TRMT11: variants seen among roughly 807,000 people sequenced by gnomAD.
TRMT11 encodes the protein tRNA (guanine(10)-N(2))-methyltransferase TRMT11.
Under a neutral mutation model 62.8 loss-of-function variants are expected in TRMT11, and 53 were observed. The observed-to-expected ratio is 0.84, with a 90% CI of 0.68 to 1.06. TRMT11 has a LOEUF of 1.06. Among genes scored for constraint, TRMT11 ranks in the 50% least tolerant of loss-of-function variants. The probability of loss-of-function intolerance (pLI) is 0.00; values close to 1 mark genes in which losing one functional copy is unlikely to be tolerated. For synonymous variants in TRMT11, 188 were observed against 190.3 expected, an observed-to-expected ratio of 0.99 and a Z score of 0.10; for missense variants, 556 against 553.4, an observed-to-expected ratio of 1.00 and a Z score of -0.05.
intron 17 of TRMT11, among the ~76,000 whole-genome samples, chr6:126,094,619 C>T (rs900095679): frequency 1.3e-5 from 2 of 152,108 alleles, no homozygotes; most frequent in African/African-American, 4.8e-5. Context: ...TCCTGGTTGG[C>T]GGGCATAGAG....
At position 126,115,560 on chromosome 6, in the gene TRMT11, G is replaced by GA. The variant is rs1777577642; in HGVS notation, c.*1710+71dup. Among the ~76,000 whole-genome samples the GA allele has an allele frequency of 3.3e-5, 5 of 152,172 alleles. No individual in the cohort carries two copies. The South Asian group carries it at 1.0e-3, about 32-fold the overall frequency. On this transcript the variant is annotated intron_variant and NMD_transcript_variant, in intron 20 of 22. Transcript: ENST00000648977. Reference sequence around the variant, plus strand: ...GTCCTTAGTATCCCTGCCCAAGTCTGAAAATATTTATATTGCTATTTAATC... The same window carrying GA: ...GTCCTTAGTATCCCTGCCCAAGTCTGAAAAATATTTATATTGCTATTTAATC...
intron 7 of TRMT11, 139 bp from the exon 8 acceptor site, chr6:126,008,253 C>A: frequency 1.3e-6 from 1 of 758,632 alleles, no homozygotes; most frequent in South Asian, 1.6e-5. Context: ...AGTCCTGAGG[C>A]TTACTAAATA....
At position 126,136,663 on chromosome 6, in the gene TRMT11, C is replaced by T. The variant is rs368281426; in HGVS notation, c.*1823+20808C>T. Among the ~76,000 whole-genome samples the T allele has an allele frequency of 5.3e-5, 8 of 151,788 alleles. No individual in the cohort carries two copies. The East Asian group carries it at 5.8e-4, about 11-fold the overall frequency. ...GAATTCACATGGAATTACAAAAGAT[C>T]TGGCACAGCTAAGGCAATCCTGAGC... On this transcript the variant is annotated intron_variant and NMD_transcript_variant, in intron 21 of 22. Transcript: ENST00000648977.
intron 17 of TRMT11, among the ~76,000 whole-genome samples, chr6:126,066,506 A>T (rs1287864799): frequency 6.6e-6 from 1 of 152,028 alleles, no homozygotes; most frequent in Non-Finnish European, 1.5e-5. Flanking sequence ...GGGAGCTCTA[A>T]CCTGTTTCTC....
chr6:126,115,235 A>G (rs556301138), intron 19 of TRMT11, among the ~76,000 whole-genome samples: 4 of 152,126 alleles, frequency 2.6e-5, no homozygotes, highest in South Asian at 4.2e-4. Flanking sequence ...TTTCCTTTCC[A>G]CAAATGCTAG....
Position 126,011,331 on chromosome 6 carries a change from A to C in TRMT11, c.839A>C (p.Glu280Ala). The C allele has an allele frequency of 1.2e-6, 2 of 1,613,472 alleles. No homozygotes were observed. The highest frequency in any genetic ancestry group is 1.3e-5 in the African/African-American group (1 of 75,032). ...GCCAATCTTCGTCAATATGGTTTAG[A>C]GAAGTATTACCTTGATGTCCTGGTT... ...IRANLRQYGL[E>A]KYYLDVLVSD... is the part of the protein sequence containing the mutation. Residue 280 changes from glutamate (E) to alanine (A), a missense_variant, in exon 9 of 13, where the codon GAG becomes GCG. Glu to Ala is a moderately radical substitution (Grantham distance 107, BLOSUM62 -1). Transcript: ENST00000334379.
intron 12 of TRMT11, among the ~76,000 whole-genome samples, chr6:126,030,533 T>G (rs1265958400): frequency 1.3e-5 from 2 of 152,224 alleles, no homozygotes; most frequent in African/African-American, 4.8e-5. Flanking sequence ...GGATGAACAC[T>G]TCTAGTTTGG....
chr6:126,116,017 C>CT (rs577116368), intron 21 of TRMT11, among the ~76,000 whole-genome samples: 18,927 of 136,366 alleles, frequency 0.14, 1,795 homozygotes, highest in African/African-American at 0.28. Flanking sequence ...CCTTAGGGTC[C>CT]TTTTTTTTTT....
downstream of TRMT11, among the ~76,000 whole-genome samples, chr6:126,043,972 AG>A (rs1775964562): frequency 6.6e-6 from 1 of 151,738 alleles, no homozygotes; most frequent in Non-Finnish European, 1.5e-5. Context: ...TCAGATGAGT[AG>A]GTTGTGAAAA....
rs1562321336 is a variant in TRMT11 at position 126,093,606 on chromosome 6, TA to T, written c.*1438-19259del. ...GTATGTATATATATATATATATATA[TA>T]TATATATATATATATATATATATAT... On this transcript the variant is annotated intron_variant and NMD_transcript_variant, in intron 17 of 22. Coordinates refer to the TRMT11 transcript ENST00000648977. Among the ~76,000 whole-genome samples the T allele has an allele frequency of 7.3e-4, 65 of 89,312 alleles. 3 individuals are homozygous for T. The highest frequency in any genetic ancestry group is 3.9e-3 in the African/African-American group (58 of 14,886). The allele number at this position is 89,312 out of a possible 152,430, so 58.6% of individuals were successfully genotyped here.
chr6:126,127,669 G>A (rs1370265789), intron 21 of TRMT11, among the ~76,000 whole-genome samples: 3 of 79,596 alleles, frequency 3.8e-5, no homozygotes, highest in Non-Finnish European at 7.2e-5. Context: ...CCCACCCCAC[G>A]ACAGGCCCCG....
intron 11 of TRMT11, among the ~76,000 whole-genome samples, chr6:126,018,551 C>T (rs781432267): frequency 1.3e-5 from 2 of 151,686 alleles, no homozygotes; most frequent in African/African-American, 2.4e-5. Context: ...AGTTTATCCA[C>T]AAAGTTGTGT....
At chr6:126,258,237 C>T in the TRMT11 span, 121,131 of 618,198 alleles carry the variant, frequency 0.2, 16,377 homozygotes, top group East Asian at 0.53. Context: ...TCGTCTGTGC[C>T]GCCCGGGCCT....
At chr6:126,023,370 C>G (rs1043414866) in intron 12 of TRMT11, among the ~76,000 whole-genome samples, 8 of 152,132 alleles carry the variant, frequency 5.3e-5, no homozygotes, top group African/African-American at 1.7e-4. Flanking sequence ...ACTGCCTGGG[C>G]CAGGCGCGGT....
intron 1 of TRMT11, among the ~76,000 whole-genome samples, chr6:125,991,627 G>A (rs956229979): frequency 6.6e-6 from 1 of 152,048 alleles, no homozygotes; most frequent in South Asian, 2.1e-4. Context: ...TAAAATCAGT[G>A]ATATAGAATC....
chr6:126,110,693 T>G (rs1348779134), intron 17 of TRMT11, among the ~76,000 whole-genome samples: 3 of 152,126 alleles, frequency 2.0e-5, no homozygotes, highest in Non-Finnish European at 4.4e-5. Flanking sequence ...TGTGTGCATG[T>G]GCGTGCACAC....
At chr6:126,214,428 C>A in the TRMT11 span, among the ~76,000 whole-genome samples, 1 of 151,844 alleles carries the variant, frequency 6.6e-6, no homozygotes, top group Non-Finnish European at 1.5e-5. Context: ...TTATTAATCT[C>A]TTCAGGTTTT....
chr6:126,112,729 C>G (rs756062190), intron 17 of TRMT11, among the ~76,000 whole-genome samples: 75 of 152,128 alleles, frequency 4.9e-4, no homozygotes, highest in Non-Finnish European at 1.0e-3. Flanking sequence ...TCTCATCTGT[C>G]ATTTCTACCA....
At chr6:126,137,799 A>T (rs536605650) in intron 21 of TRMT11, among the ~76,000 whole-genome samples, 8 of 151,998 alleles carry the variant, frequency 5.3e-5, no homozygotes, top group African/African-American at 1.9e-4. Context: ...AAAAAAGTTA[A>T]TGAAATCCTG....
Sources: gnomAD v4.1 joint callset for allele counts (sites outside exome capture counted in the v4.1 genomes callset) on GRCh38, gnomAD v4.1.1 for gene constraint, MANE v1.5 for transcripts, NCBI Gene and HGNC (gene_info 2026-07-23, HGNC 2026-07-21) for gene names.